The following PIGG variants were observed in gnomAD, a reference collection of about 807,000 sequenced individuals.
PIGG encodes GPI ethanolamine phosphate transferase 2, catalytic subunit.
In PIGG, 70 loss-of-function variants were observed where a neutral mutation model predicts 83.2. The observed-to-expected ratio is 0.84, with a 90% confidence interval of 0.69 to 1.03. The LOEUF is 1.03. Among genes scored for constraint, PIGG ranks in the 50% least tolerant of loss-of-function variants. The pLI, the probability that PIGG is intolerant of heterozygous loss-of-function variation, is 0.00. For synonymous variants in PIGG, 532 were observed against 519.5 expected (o/e 1.02, Z -0.33); for missense variants, 1,257 against 1,233.6 (o/e 1.02, Z -0.28).
intron 12 of PIGG, 133 bp downstream of exon 12, chr4:534,114 T>A: frequency 1.3e-6 from 1 of 767,988 alleles, no homozygotes; most frequent in Non-Finnish European, 2.1e-6. Context: ...TTCTTTTCCT[T>A]AAATAGGGAA....
At chr4:502,249 G>A (rs1392845754) in intron 2 of PIGG, 1 of 152,220 alleles carries the variant, frequency 6.6e-6, no homozygotes, top group Non-Finnish European at 1.5e-5. Context: ...CACCTTTGCT[G>A]GGGAGCCTCA....
rs782606593 is a variant in PIGG, at chr4:507,388, G to T, written c.571-17G>T. 6.3e-7 allele frequency: 1 copy of T among 1,592,278 alleles called. No individual in the cohort carries two copies. The highest frequency in any genetic ancestry group is 1.1e-5 in the South Asian group (1 of 89,264). On this transcript the variant is annotated splice_polypyrimidine_tract_variant and intron_variant, in intron 3 of 12. Transcript: ENST00000453061. ...GAAATTAGGTGAGTTGTTTATACGT[G>T]TGTTTCCCCTTCAAAGGTGGATAAT...
Position 521,168 on chromosome 4 carries a change from C to G in PIGG, c.1227C>G (p.Leu409=), listed in dbSNP as rs202149146. Residue 409 remains leucine (L), a synonymous_variant, in exon 7 of 13, where the codon CTC becomes CTG. Transcript: ENST00000453061. ...TATTCAACCTGGGCTCCAAGGTTCT[C>G]AGGCAGTACCTGGATGCTCTGAAGA... is the stretch of plus-strand genomic sequence containing the variant. ...EVLFNLGSKV[L]RQYLDALKTL... is the part of the protein sequence containing the mutation. 8.7e-6 allele frequency: 14 copies of G among 1,613,962 alleles called. No individual in the cohort carries two copies. In the Admixed American group the frequency reaches 2.0e-4, roughly 23 times the overall value.
intron 2 of PIGG, among the ~76,000 whole-genome samples, chr4:503,138 G>T (rs917938270): frequency 6.6e-6 from 1 of 152,130 alleles, no homozygotes; most frequent in Non-Finnish European, 1.5e-5. Context: ...CACAAGAAAC[G>T]AGGTGAACAG....
In PIGG at chr4:535,766, C is replaced by T. The variant is rs184307860; in HGVS notation, c.2735+1785C>T. On this transcript the variant is annotated intron_variant, in intron 12 of 12. Transcript: ENST00000453061. ...TCTGCACGTTTCTGTGGTCCCGCTC[C>T]GCCCTCTGGCTTCTGCTCCACAGCC... Among the ~76,000 whole-genome samples the T allele has an allele frequency of 8.9e-4, 135 of 152,278 alleles. 1 individual carries two copies. The East Asian group carries it at 0.025, about 28-fold the overall frequency.
intron 12 of PIGG, among the ~76,000 whole-genome samples, chr4:534,340 C>T (rs982821768): frequency 5.9e-5 from 9 of 152,192 alleles, no homozygotes; most frequent in African/African-American, 7.2e-5. Context: ...AGATGGAGGG[C>T]GGGTCGTCCT....
In PIGG at chr4:521,052, A is replaced by C; in HGVS notation, c.1115-4A>C. 2.5e-6 allele frequency: 4 copies of C among 1,608,212 alleles called. No homozygotes were observed. Among genetic ancestry groups the C allele is most frequent in the Non-Finnish European group, 3.4e-6 (4 of 1,174,576 alleles). On this transcript the variant is annotated splice_polypyrimidine_tract_variant and splice_region_variant and intron_variant, in intron 6 of 12. Coordinates refer to ENST00000453061, the MANE Select transcript of PIGG (RefSeq NM_001127178.3). ...CGCCTGTAACCTTTCTGTCTTCTTA[A>C]TAGATCCTGGGTTTGAGCAGTTTAA...
At chr4:507,271 TTG>T (rs1434762478) in intron 3 of PIGG, 132 bp from the exon 4 acceptor site, 26 of 672,512 alleles carry the variant, frequency 3.9e-5, no homozygotes, top group Non-Finnish European at 5.8e-5. Context: ...ATAGATTTTG[TTG>T]TGTTTCAACT....
rs1189320723 is a variant in PIGG, at chr4:539,424, A to G, written c.*55A>G. The G allele has an allele frequency of 1.8e-6, 2 of 1,086,926 alleles. No homozygotes were observed. The highest frequency in any genetic ancestry group is 2.7e-6 in the Non-Finnish European group (2 of 736,802). The allele number at this position is 1,086,926 out of a possible 1,614,324, so 67.3% of individuals were successfully genotyped here. A position where few individuals can be genotyped will look rare whatever the true frequency, so the allele number is the denominator to read the frequency against. ...TGCTTAAAGTCTGCTGTTATTCTAA[A>G]ATGAAAGATATGAATTCAACAAAGT... On this transcript the variant is annotated 3_prime_UTR_variant, in exon 13 of 13. Transcript: ENST00000453061.
In PIGG at chr4:516,045, C is replaced by G. The variant is rs746660978; in HGVS notation, c.974C>G (p.Pro325Arg). Reference sequence around the variant, plus strand: ...ACACTGGCGATAGCACTTGGCTTACCGATTCCAAAAGACAGTGTAGGGAGC... The same window carrying G: ...ACACTGGCGATAGCACTTGGCTTACGGATTCCAAAAGACAGTGTAGGGAGC... The part of the protein sequence containing the change: ...AATLAIALGL[P>R]IPKDSVGSLL... The change falls in exon 6 of 13, where the codon CCG (proline) becomes CGG (arginine). Residue 325 changes from proline (P) to arginine (R), a missense_variant. Pro to Arg is a moderately radical substitution (Grantham distance 103). Coordinates refer to ENST00000453061, the MANE Select transcript of PIGG (RefSeq NM_001127178.3). 1.5e-5 allele frequency: 25 copies of G among 1,614,170 alleles called. 1 individual carries two copies. The highest frequency in any genetic ancestry group is 3.3e-4 in the Middle Eastern group (2 of 6,062).
In PIGG at chr4:539,132, C is replaced by A. The variant is rs368428331; in HGVS notation, c.2736-21C>A. On this transcript the variant is annotated intron_variant, in intron 12 of 12. Coordinates refer to ENST00000453061, the MANE Select transcript of PIGG (RefSeq NM_001127178.3). Reference sequence around the variant, plus strand: ...TATGTAAGTGGCATGTGCTAATACACATTTTCTTTCTTATTAACAGTGGTT... The same window carrying A: ...TATGTAAGTGGCATGTGCTAATACAAATTTTCTTTCTTATTAACAGTGGTT... 185 of 1,498,256 alleles carry A rather than the reference C, an allele frequency of 1.2e-4. 1 individual carries two copies. The South Asian group carries it at 1.4e-3, about 11-fold the overall frequency. The allele number at this position is 1,498,256 out of a possible 1,614,324, so 92.8% of individuals were successfully genotyped here.
At chr4:525,051 GGCA>G in intron 9 of PIGG, 1 of 228,726 alleles carries the variant, frequency 4.4e-6, no homozygotes, top group Non-Finnish European at 7.2e-6. Context: ...TGATCCCCAG[GGCA>G]GCAAGAAGGA....
chr4:501,970 A>T (rs1553876129), intron 2 of PIGG: 1 of 152,212 alleles, frequency 6.6e-6, no homozygotes, highest in Non-Finnish European at 1.5e-5. Context: ...GCACCTTTGA[A>T]CACAGCACTC....
At chr4:531,024 C>CA (rs1176381593) in intron 11 of PIGG, 1 of 419,638 alleles carries the variant, frequency 2.4e-6, no homozygotes, top group Non-Finnish European at 4.2e-6. Flanking sequence ...GCACAGACAT[C>CA]ACGTTGTTCA....
chr4:500,230 T>TC (rs1717135719), intron 1 of PIGG, among the ~76,000 whole-genome samples, 166 bp from the exon 2 acceptor site: 2 of 152,024 alleles, frequency 1.3e-5, no homozygotes, highest in South Asian at 4.1e-4. Flanking sequence ...CCCCGTCCTT[T>TC]CCCCCCAGCA....
At chr4:499,582 C>A in intron 1 of PIGG, 93 bp downstream of exon 1, 1 of 1,452,638 alleles carries the variant, frequency 6.9e-7, no homozygotes. Context: ...TTCTTCTCGG[C>A]GCTCCCCGGT....
intron 11 of PIGG, chr4:530,954 C>T: frequency 1.8e-6 from 1 of 546,440 alleles, no homozygotes; most frequent in South Asian, 2.7e-5. Context: ...GTGCTTAAGA[C>T]AGCAGACTGC....
In PIGG at chr4:535,321, C is replaced by T. The variant is rs1730216546; in HGVS notation, c.2735+1340C>T. Among the ~76,000 whole-genome samples, 3 of 149,968 alleles carry T rather than the reference C, an allele frequency of 2.0e-5. 1 individual carries two copies. Among genetic ancestry groups the T allele is most frequent in the East Asian group, 1.9e-4 (1 of 5,176 alleles). ...CCTTTGGAGGGGCTAGTGGCCCCTG[C>T]GGCATCTACTAGAGTGCCCCGTGCT... On this transcript the variant is annotated intron_variant, in intron 12 of 12. Coordinates refer to ENST00000453061, the MANE Select transcript of PIGG (RefSeq NM_001127178.3).
chr4:521,865 T>C lies in PIGG; in HGVS notation c.1538T>C (p.Val513Ala), dbSNP rs1236210422. The C allele has an allele frequency of 1.2e-6, 2 of 1,614,106 alleles. No homozygotes were observed. Among genetic ancestry groups the C allele is most frequent in the Non-Finnish European group, 1.7e-6 (2 of 1,180,058 alleles). Residue 513 changes from valine (V) to alanine (A), a missense_variant, in exon 8 of 13, where the codon GTG becomes GCG. Transcript: ENST00000453061. ...TGGCTGGCGGCAGGTGGGGTGATGG[T>C]GCTGGCCTCGGCGCTGCTGTGTGTG... is the stretch of plus-strand genomic sequence containing the variant. ...LSWLAAGGVM[V>A]LASALLCVIV...
Sources: gnomAD v4.1 joint callset for allele counts (sites outside exome capture counted in the v4.1 genomes callset) on GRCh38, gnomAD v4.1.1 for gene constraint, MANE v1.5 for transcripts, NCBI Gene and HGNC (gene_info 2026-07-23, HGNC 2026-07-21) for gene names.